The following ARNT2 variants were observed in gnomAD, a reference collection of about 807,000 sequenced individuals.
The protein encoded by ARNT2 is ARNT protein 2.
A neutral mutation model predicts 91.7 loss-of-function variants in ARNT2; 36 were observed. The observed-to-expected ratio is 0.39, with a 90% CI of 0.30 to 0.52. ARNT2 has a LOEUF of 0.52. Among genes scored for constraint, ARNT2 ranks in the 20% least tolerant of loss-of-function variants. ARNT2 has a pLI of 0.72. For missense variants in ARNT2, 775 were observed against 939.3 expected (o/e 0.83, Z 2.29); for synonymous variants, 365 against 347.1 (o/e 1.05, Z -0.57).
At chr15:80,583,876 A>G (rs913131450) in intron 17 of ARNT2, among the ~76,000 whole-genome samples, 2 of 152,266 alleles carry the variant, frequency 1.3e-5, no homozygotes, top group African/African-American at 4.8e-5. Flanking sequence ...TGGATGTCCC[A>G]GCAGATGGCC....
At chr15:80,525,989 T>C (rs1371894237) in intron 8 of ARNT2, among the ~76,000 whole-genome samples, 1 of 152,194 alleles carries the variant, frequency 6.6e-6, no homozygotes, top group Non-Finnish European at 1.5e-5. Context: ...AGGTAGACTT[T>C]GGGGAGTGAA....
Position 80,404,713 on chromosome 15 carries a change from C to T in ARNT2, c.31+167C>T, listed in dbSNP as rs929123822. Among the ~76,000 whole-genome samples the T allele has an allele frequency of 2.0e-5, 3 of 151,840 alleles. No individual in the cohort carries two copies. The highest frequency in any genetic ancestry group is 4.4e-5 in the Non-Finnish European group (3 of 67,898). On this transcript the variant is annotated intron_variant, in intron 1 of 18. Coordinates refer to ENST00000303329, the MANE Select transcript of ARNT2 (RefSeq NM_014862.4). This position sits in a 1 kb window ranked among gnomAD's most constrained non-coding sequence, Gnocchi z 5.5. ...GGCAGCCGCAGCATCAGCACCAGAG[C>T]GGCATCTGCATCCCAATCGCTGCCC... is the stretch of plus-strand genomic sequence containing the variant.
chr15:80,418,679 G>A (rs1181807494), intron 1 of ARNT2, among the ~76,000 whole-genome samples: 1 of 152,178 alleles, frequency 6.6e-6, no homozygotes, highest in Non-Finnish European at 1.5e-5. Flanking sequence ...CTGCTGTGCT[G>A]TGGGACGGAT....
At chr15:80,441,032 C>G (rs1046556148) in intron 1 of ARNT2, among the ~76,000 whole-genome samples, 2 of 152,206 alleles carry the variant, frequency 1.3e-5, no homozygotes, top group African/African-American at 4.8e-5. Context: ...AAGAAAAATC[C>G]TTTATTATCT....
chr15:80,580,365 C>A (rs1898769953), intron 15 of ARNT2, 46 bp from the exon 16 acceptor site: 5 of 1,610,386 alleles, frequency 3.1e-6, no homozygotes, highest in Non-Finnish European at 4.2e-6. Flanking sequence ...TAGACTCATG[C>A]AAACCAGGTG....
At chr15:80,490,545 A>G (rs1376453271) in intron 5 of ARNT2, among the ~76,000 whole-genome samples, 1 of 152,258 alleles carries the variant, frequency 6.6e-6, no homozygotes, top group Non-Finnish European at 1.5e-5. Context: ...GCTGGCCACC[A>G]GAGCAGCTGA....
intron 5 of ARNT2, among the ~76,000 whole-genome samples, chr15:80,494,587 G>A (rs965299407): frequency 2.6e-5 from 4 of 152,200 alleles, no homozygotes; most frequent in African/African-American, 9.6e-5. Flanking sequence ...AAGAGGTGCC[G>A]GCCATGGGAG....
At chr15:80,510,456 A>G (rs996017495) in intron 6 of ARNT2, among the ~76,000 whole-genome samples, 1 of 152,216 alleles carries the variant, frequency 6.6e-6, no homozygotes, top group Non-Finnish European at 1.5e-5. Context: ...AAAAAAGCTC[A>G]ATATCACTGA....
intron 11 of ARNT2, among the ~76,000 whole-genome samples, chr15:80,561,562 A>AT (rs1898352221): frequency 6.6e-6 from 1 of 152,166 alleles, no homozygotes; most frequent in Non-Finnish European, 1.5e-5. Context: ...GCTTTGGACA[A>AT]TTTCAGTTAC....
At chr15:80,480,861 T>G (rs2141402494) in intron 5 of ARNT2, among the ~76,000 whole-genome samples, 1 of 152,250 alleles carries the variant, frequency 6.6e-6, no homozygotes, top group Non-Finnish European at 1.5e-5. Context: ...CACTACTTAG[T>G]TTATTCATTT....
chr15:80,545,892 C>T (rs529696807), intron 8 of ARNT2, among the ~76,000 whole-genome samples: 30 of 152,232 alleles, frequency 2.0e-4, no homozygotes, highest in Admixed American at 7.2e-4. Flanking sequence ...CCCTTCACCC[C>T]GGAAGGATAC....
intron 1 of ARNT2, among the ~76,000 whole-genome samples, chr15:80,427,916 G>A (rs1018474613): frequency 5.9e-5 from 9 of 152,200 alleles, no homozygotes; most frequent in Admixed American, 2.6e-4. Context: ...ATCTGGCCTT[G>A]TTTCCTTTGG....
At position 80,404,876 on chromosome 15, in the gene ARNT2, T is replaced by A. The variant is rs1192567783; in HGVS notation, c.31+330T>A. Among the ~76,000 whole-genome samples the A allele has an allele frequency of 6.6e-6, 1 of 152,130 alleles. No individual in the cohort carries two copies. The highest frequency in any genetic ancestry group is 1.9e-4 in the East Asian group (1 of 5,170). On this transcript the variant is annotated intron_variant, in intron 1 of 18. Transcript: ENST00000303329. This position sits in a 1 kb window ranked among gnomAD's most constrained non-coding sequence, Gnocchi z 5.5. Reference sequence around the variant, plus strand: ...GCCTTTGCCTTCCCCATCCCACGCATTTTTCTCTTCCGGTCCCGGCTTTTG... The same window carrying A: ...GCCTTTGCCTTCCCCATCCCACGCAATTTTCTCTTCCGGTCCCGGCTTTTG...
At chr15:80,483,311 TG>T (rs35542520) in intron 5 of ARNT2, among the ~76,000 whole-genome samples, 86,332 of 152,092 alleles carry the variant, frequency 0.57, 28,097 homozygotes, top group Non-Finnish European at 0.73. Flanking sequence ...GTGATTGTGC[TG>T]GGGGCTGCTT....
chr15:80,501,282 A>C (rs1361914385), intron 5 of ARNT2, among the ~76,000 whole-genome samples: 1 of 152,212 alleles, frequency 6.6e-6, no homozygotes, highest in Non-Finnish European at 1.5e-5. Flanking sequence ...AAGAGCCTTT[A>C]AAATGAGGTT....
At chr15:80,429,394 G>A (rs769476222) in intron 1 of ARNT2, among the ~76,000 whole-genome samples, 9 of 152,196 alleles carry the variant, frequency 5.9e-5, no homozygotes, top group Admixed American at 1.3e-4. Flanking sequence ...CTAAATGTTG[G>A]GATTTAGGGA....
chr15:80,581,776 A>G (rs1567007847), intron 17 of ARNT2, among the ~76,000 whole-genome samples: 1 of 152,266 alleles, frequency 6.6e-6, no homozygotes, highest in African/African-American at 2.4e-5. Context: ...AATCAATTGC[A>G]TAAATAACAC....
At chr15:80,463,266 G>A (rs72747540) in intron 3 of ARNT2, among the ~76,000 whole-genome samples, 34,200 of 152,038 alleles carry the variant, frequency 0.22, 4,091 homozygotes, top group Non-Finnish European at 0.27. Flanking sequence ...ACACTGGATG[G>A]GTACGTGAGG....
chr15:80,511,602 C>T (rs182348513), intron 6 of ARNT2, among the ~76,000 whole-genome samples: 34 of 151,928 alleles, frequency 2.2e-4, no homozygotes, highest in Admixed American at 1.8e-3. Context: ...ATCCAAGGAA[C>T]AGGTTGGGGC....
Sources: gnomAD v4.1 joint callset for allele counts (sites outside exome capture counted in the v4.1 genomes callset) on GRCh38, gnomAD v4.1.1 for gene constraint, Gnocchi (gnomAD v3.1) non-coding constraint, MANE v1.5 for transcripts, NCBI Gene and HGNC (gene_info 2026-07-23, HGNC 2026-07-21) for gene names.